The following RFX3 variants were observed in gnomAD, a reference collection of about 807,000 sequenced individuals.
RFX3 encodes transcription factor RFX3.
Under a neutral mutation model 98.6 loss-of-function variants are expected in RFX3, and 14 were observed. The observed-to-expected ratio is 0.14, with a 90% CI of 0.09 to 0.22. The LOEUF (loss-of-function observed/expected upper bound fraction) is 0.22, where lower values mean the gene tolerates loss of function less well. RFX3 is among the 10% of genes least tolerant of loss of function. The pLI is 1.00. For synonymous variants in RFX3, 383 were observed against 328.4 expected (o/e 1.17, Z -1.80); for missense variants, 639 against 926.9 (o/e 0.69, Z 4.03).
At chr9:3,386,793 AG>A (rs1448169039) in intron 2 of RFX3, among the ~76,000 whole-genome samples, 1 of 152,230 alleles carries the variant, frequency 6.6e-6, no homozygotes. Flanking sequence ...ACATACAAAA[AG>A]GAAATGTAGT....
At chr9:3,361,925 C>A (rs912892162) in intron 2 of RFX3, among the ~76,000 whole-genome samples, 2 of 151,962 alleles carry the variant, frequency 1.3e-5, no homozygotes, top group African/African-American at 4.8e-5. Flanking sequence ...CCAGCCTGGT[C>A]AACAGAGCAA....
At chr9:3,522,770 T>C (rs555994926) in intron 1 of RFX3, among the ~76,000 whole-genome samples, 8 of 152,194 alleles carry the variant, frequency 5.3e-5, no homozygotes, top group Non-Finnish European at 1.2e-4. Flanking sequence ...AAAAGTAACA[T>C]ACATTATCAT....
chr9:3,289,667 A>C (rs1473025758), intron 6 of RFX3, among the ~76,000 whole-genome samples: 2 of 152,046 alleles, frequency 1.3e-5, no homozygotes, highest in Non-Finnish European at 2.9e-5. Context: ...TTAACATTTT[A>C]ATTGGGTTGG....
intron 15 of RFX3, among the ~76,000 whole-genome samples, chr9:3,244,771 T>C (rs1157358037): frequency 6.6e-6 from 1 of 152,212 alleles, no homozygotes; most frequent in East Asian, 1.9e-4. Flanking sequence ...CCTTTAATTT[T>C]CCTTCAAAGC....
intron 1 of RFX3, among the ~76,000 whole-genome samples, chr9:3,522,440 C>G (rs937672366): frequency 2.0e-5 from 3 of 152,136 alleles, no homozygotes; most frequent in Non-Finnish European, 4.4e-5. Flanking sequence ...AACCAGGAGC[C>G]TCTCAAAAAT....
chr9:3,400,576 C>G (rs1587520950), intron 1 of RFX3, among the ~76,000 whole-genome samples: 1 of 152,176 alleles, frequency 6.6e-6, no homozygotes, highest in East Asian at 1.9e-4. Context: ...TCTTTTGTGT[C>G]TCCATTTTCC....
At chr9:3,406,257 C>T (rs981890386) in intron 1 of RFX3, among the ~76,000 whole-genome samples, 8 of 151,912 alleles carry the variant, frequency 5.3e-5, no homozygotes, top group African/African-American at 9.7e-5. Flanking sequence ...GCCACTGACT[C>T]GGCCAACCCT....
chr9:3,322,539 C>T (rs1160935317), intron 4 of RFX3, among the ~76,000 whole-genome samples: 1 of 151,994 alleles, frequency 6.6e-6, no homozygotes, highest in Non-Finnish European at 1.5e-5. Context: ...CAAGACCAAC[C>T]CAGCCAACAT....
At chr9:3,475,259 CAG>C (rs1382165223) in intron 1 of RFX3, among the ~76,000 whole-genome samples, 5 of 151,842 alleles carry the variant, frequency 3.3e-5, no homozygotes, top group Non-Finnish European at 1.5e-5. Flanking sequence ...TCCCCGTGTG[CAG>C]AGACGAGAGA....
chr9:3,247,113 G>C, intron 15 of RFX3: 1 of 984,994 alleles, frequency 1.0e-6, no homozygotes, highest in Middle Eastern at 5.2e-4. Context: ...TACCGCCTTG[G>C]GTAATTTGTC....
At chr9:3,288,072 G>A (rs1053386409) in intron 7 of RFX3, 59 bp downstream of exon 7, 9 of 1,542,466 alleles carry the variant, frequency 5.8e-6, no homozygotes, top group East Asian at 2.3e-5. Context: ...GAAAAAAGGA[G>A]ACCCGAACAA....
intron 2 of RFX3, among the ~76,000 whole-genome samples, chr9:3,390,588 G>C (rs1433015469): frequency 6.6e-6 from 1 of 152,166 alleles, no homozygotes; most frequent in African/African-American, 2.4e-5. Flanking sequence ...CCACATTGTT[G>C]TGGGAGGAAC....
intron 16 of RFX3, among the ~76,000 whole-genome samples, chr9:3,226,675 C>A (rs1381700121): frequency 6.6e-6 from 1 of 152,118 alleles, no homozygotes; most frequent in East Asian, 1.9e-4. Context: ...AGAACAAGTA[C>A]ATTCAAAGGG....
chr9:3,339,852 C>T (rs550622155), intron 3 of RFX3, among the ~76,000 whole-genome samples: 4 of 152,158 alleles, frequency 2.6e-5, no homozygotes, highest in Admixed American at 2.0e-4. Context: ...GATTCAATGC[C>T]ATCACCATCA....
chr9:3,259,602 A>AT (rs952020681), intron 13 of RFX3, among the ~76,000 whole-genome samples: 2 of 151,986 alleles, frequency 1.3e-5, no homozygotes, highest in African/African-American at 4.8e-5. Flanking sequence ...TAGCTAAGTT[A>AT]TCAGGTCAGC....
intron 3 of RFX3, among the ~76,000 whole-genome samples, chr9:3,334,031 G>C (rs187735520): frequency 1.3e-5 from 2 of 152,098 alleles, no homozygotes; most frequent in Non-Finnish European, 2.9e-5. Context: ...TTAGTCTAAA[G>C]CACAGAGCTG....
chr9:3,401,374 C>T (rs1343174669), intron 1 of RFX3, among the ~76,000 whole-genome samples: 1 of 152,110 alleles, frequency 6.6e-6, no homozygotes, highest in African/African-American at 2.4e-5. Context: ...AGAGCAGTGC[C>T]CTAGCATGCT....
At position 3,224,359 on chromosome 9, in the gene RFX3, T is replaced by G. The variant is rs1394883560; in HGVS notation, c.*683A>C. On this transcript the variant is annotated 3_prime_UTR_variant, in exon 17 of 17. Coordinates refer to ENST00000617270, the MANE Select transcript of RFX3 (RefSeq NM_001282116.2). ...AGCTTGCATTGTTAACATGGTTTAA[T>G]AATTATGTACACAAATTATGTACAT... The G allele has an allele frequency of 6.6e-6, 1 of 152,206 alleles. No individual in the cohort carries two copies. Among genetic ancestry groups the G allele is most frequent in the Non-Finnish European group, 1.5e-5 (1 of 68,040 alleles). The allele number at this position is 152,206 out of a possible 1,614,324, so 9.4% of individuals were successfully genotyped here. A position where few individuals can be genotyped will look rare whatever the true frequency, so the allele number is the denominator to read the frequency against.
rs150646749 is a variant in RFX3 at position 3,231,947 on chromosome 9, C to T, written c.1969-3058G>A. Among the ~76,000 whole-genome samples, 25 of 152,090 alleles carry T rather than the reference C, an allele frequency of 1.6e-4. No homozygotes were observed. In the East Asian group the frequency reaches 4.1e-3, roughly 25 times the overall value. On this transcript the variant is annotated intron_variant, in intron 15 of 16. Coordinates refer to ENST00000617270, the MANE Select transcript of RFX3 (RefSeq NM_001282116.2). ...GGCATGGTGGCGGAGGCAGGAGAAT[C>T]ACTTGAACCTGGGAGGCGAAGGTTG...
Sources: allele counts gnomAD v4.1 joint callset (sites outside exome capture counted in the v4.1 genomes callset), GRCh38; gene constraint gnomAD v4.1.1; transcripts MANE v1.5; gene names NCBI Gene and HGNC (gene_info 2026-07-23, HGNC 2026-07-21).